Variants in ZNF804A observed in about 807,000 individuals in gnomAD.
ZNF804A encodes zinc finger protein 804A.
A neutral mutation model predicts 16.5 loss-of-function variants in ZNF804A; 2 were observed. The observed-to-expected ratio is 0.12, with a 90% CI of 0.05 to 0.38. ZNF804A has a LOEUF of 0.38. Ranked by LOEUF, ZNF804A falls within the 10% of genes least tolerant of loss-of-function variation. ZNF804A has a pLI of 0.99. For missense variants in ZNF804A, 1,473 were observed against 1,390.7 expected (o/e 1.06, Z -0.94); for synonymous variants, 534 against 489.6 (o/e 1.09, Z -1.20).
intron 2 of ZNF804A, among the ~76,000 whole-genome samples, chr2:184,918,755 A>G (rs1360815245): frequency 6.6e-6 from 1 of 152,186 alleles, no homozygotes; most frequent in African/African-American, 2.4e-5. Context: ...AGACTTTACT[A>G]TACACTTATT....
chr2:184,612,207 TTTC>T (rs1691249055), intron 1 of ZNF804A, among the ~76,000 whole-genome samples: 2 of 152,288 alleles, frequency 1.3e-5, no homozygotes, highest in South Asian at 2.1e-4. Context: ...TTGAAAATTA[TTTC>T]TTATTTTCAT....
chr2:184,826,272 C>G (rs1269167688), intron 1 of ZNF804A, among the ~76,000 whole-genome samples: 3 of 151,892 alleles, frequency 2.0e-5, no homozygotes, highest in Non-Finnish European at 2.9e-5. Context: ...CTTTTTTGTT[C>G]TTTAAAATTT....
chr2:184,639,068 CT>C (rs34389839), intron 1 of ZNF804A, among the ~76,000 whole-genome samples: 2,133 of 107,418 alleles, frequency 0.02, 20 homozygotes, highest in African/African-American at 0.073. Context: ...AAGCCCCCTC[CT>C]TTTTTTTTTT....
At chr2:184,636,647 A>G (rs1691704260) in intron 1 of ZNF804A, among the ~76,000 whole-genome samples, 1 of 150,382 alleles carries the variant, frequency 6.6e-6, no homozygotes, top group African/African-American at 2.4e-5. Flanking sequence ...CAGTGTGTGT[A>G]CTTCACTGTT....
chr2:184,844,494 T>C (rs1261259786), intron 1 of ZNF804A, among the ~76,000 whole-genome samples: 1 of 152,122 alleles, frequency 6.6e-6, no homozygotes, highest in East Asian at 1.9e-4. Context: ...TATAGAATTC[T>C]AGGTTGTTGT....
intron 2 of ZNF804A, among the ~76,000 whole-genome samples, chr2:184,894,027 C>T (rs986597736): frequency 6.6e-6 from 1 of 152,104 alleles, no homozygotes; most frequent in East Asian, 1.9e-4. Context: ...AATCATAAAA[C>T]CTTCCAATTT....
At chr2:184,702,179 A>G (rs1252241048) in intron 1 of ZNF804A, among the ~76,000 whole-genome samples, 1 of 152,056 alleles carries the variant, frequency 6.6e-6, no homozygotes, top group Non-Finnish European at 1.5e-5. Context: ...GTGTACTAAT[A>G]TATGCTAATT....
chr2:184,835,740 C>A (rs1268559439), intron 1 of ZNF804A, among the ~76,000 whole-genome samples: 1 of 151,174 alleles, frequency 6.6e-6, no homozygotes, highest in East Asian at 1.9e-4. Context: ...GACTCAGACA[C>A]AGGTGGAGAA....
intron 1 of ZNF804A, among the ~76,000 whole-genome samples, chr2:184,610,457 A>G (rs994093209): frequency 3.9e-5 from 6 of 152,154 alleles, no homozygotes; most frequent in Non-Finnish European, 8.8e-5. Context: ...ATAGGAAGGA[A>G]GTGAGACTAG....
chr2:184,936,149 A>C lies in ZNF804A; in HGVS notation c.753A>C (p.Arg251Ser). The C allele has an allele frequency of 3.1e-6, 5 of 1,614,010 alleles. No individual in the cohort carries two copies. Among genetic ancestry groups the C allele is most frequent in the Non-Finnish European group, 3.4e-6 (4 of 1,179,944 alleles). The change falls in exon 4 of 4, where the codon AGA becomes AGC. Residue 251 changes from arginine to serine, a missense_variant. Transcript: ENST00000302277. ...GAAAAGGATTTAGCAGAAAAAGTAG[A>C]TTTGTCCCCAGTGCTTGTCATCTTC... ...SVGKGFSRKS[R>S]FVPSACHLQQ...
At chr2:184,754,238 G>A (rs960734606) in intron 1 of ZNF804A, among the ~76,000 whole-genome samples, 3 of 151,858 alleles carry the variant, frequency 2.0e-5, no homozygotes, top group Non-Finnish European at 4.4e-5. Context: ...CAGATATTGT[G>A]CAGTTTAGTT....
At chr2:184,828,538 A>G (rs1163183374) in intron 1 of ZNF804A, among the ~76,000 whole-genome samples, 1 of 151,652 alleles carries the variant, frequency 6.6e-6, no homozygotes, top group East Asian at 1.9e-4. Flanking sequence ...AAAAGATTAT[A>G]TACCTTCCCC....
In ZNF804A at chr2:184,704,055, T is replaced by C. The variant is rs946362039; in HGVS notation, c.111+104985T>C. Reference sequence around the variant, plus strand: ...TGTAGGGGTACCACCAGCCACAATGTTAATATATTAAGATACAATTATACC... The same window carrying C: ...TGTAGGGGTACCACCAGCCACAATGCTAATATATTAAGATACAATTATACC... On this transcript the variant is annotated intron_variant, in intron 1 of 3. Coordinates refer to ENST00000302277, the MANE Select transcript of ZNF804A (RefSeq NM_194250.2). Among the ~76,000 whole-genome samples, 12 of 152,170 alleles carry C rather than the reference T, an allele frequency of 7.9e-5. 1 individual carries two copies. Among genetic ancestry groups the C allele is most frequent in the African/African-American group, 2.4e-5 (1 of 41,442 alleles).
chr2:184,717,973 A>G (rs1188436947), intron 1 of ZNF804A, among the ~76,000 whole-genome samples: 1 of 152,194 alleles, frequency 6.6e-6, no homozygotes, highest in African/African-American at 2.4e-5. Context: ...AGCCAGGACA[A>G]TCAGGCAAGA....
At chr2:184,908,318 C>T (rs546940201) in intron 2 of ZNF804A, among the ~76,000 whole-genome samples, 1 of 152,090 alleles carries the variant, frequency 6.6e-6, no homozygotes, top group East Asian at 1.9e-4. Context: ...CTTTTTTCTC[C>T]CCCACCTCAA....
intron 2 of ZNF804A, among the ~76,000 whole-genome samples, chr2:184,911,019 T>C (rs938877471): frequency 5.9e-5 from 9 of 151,968 alleles, no homozygotes; most frequent in African/African-American, 1.9e-4. Flanking sequence ...ATTGAAATTA[T>C]TTTTGAGGAC....
At chr2:184,891,287 C>G (rs183171685) in intron 2 of ZNF804A, among the ~76,000 whole-genome samples, 2 of 152,128 alleles carry the variant, frequency 1.3e-5, no homozygotes, top group African/African-American at 2.4e-5. Context: ...CTGCCTGGAT[C>G]GTTCTTTGTC....
Position 184,864,875 on chromosome 2 carries a change from A to ATTTTTTTTTTTTTTT in ZNF804A, c.112-1485_112-1471dup, listed in dbSNP as rs34114485. Among the ~76,000 whole-genome samples the ATTTTTTTTTTTTTTT allele has an allele frequency of 1.3e-3, 141 of 105,460 alleles. 10 individuals carry two copies. The highest frequency in any genetic ancestry group is 5.9e-3 in the African/African-American group (130 of 22,118). The allele number at this position is 105,460 out of a possible 152,430, so 69.2% of individuals were successfully genotyped here. A position where few individuals can be genotyped will look rare whatever the true frequency, so the allele number is the denominator to read the frequency against. On this transcript the variant is annotated intron_variant, in intron 1 of 3. Transcript: ENST00000302277. Reference sequence around the variant, plus strand: ...TAAGAGACTTGAATATATAGTTAGGATTTTTTTTTTTTTTTTTTTTTTTGA... The same window carrying ATTTTTTTTTTTTTTT: ...TAAGAGACTTGAATATATAGTTAGGATTTTTTTTTTTTTTTTTTTTTTTTTTTTTTTTTTTTTTGA...
In ZNF804A at chr2:184,598,852, C is replaced by T; in HGVS notation, c.-108C>T. 3.6e-6 allele frequency: 2 copies of T among 556,370 alleles called. No homozygotes were observed. 34.5% of individuals were successfully genotyped at this position (556,370 alleles called of 1,614,324 possible). ...AGGACGTGCCGGGGGTGGCTGCGTG[C>T]CCTCGTGGCGGGTTCCCAGCCCACC... On this transcript the variant is annotated 5_prime_UTR_variant, in exon 1 of 4. Coordinates refer to ENST00000302277, the MANE Select transcript of ZNF804A (RefSeq NM_194250.2).
Sources: gnomAD v4.1 joint callset for allele counts (sites outside exome capture counted in the v4.1 genomes callset) on GRCh38, gnomAD v4.1.1 for gene constraint, MANE v1.5 for transcripts, NCBI Gene and HGNC (gene_info 2026-07-23, HGNC 2026-07-21) for gene names.